The following PXDN variants were observed in gnomAD, a reference collection of about 807,000 sequenced individuals.
PXDN encodes the protein peroxidasin.
A neutral mutation model predicts 140.3 loss-of-function variants in PXDN; 77 were observed. That is an observed-to-expected ratio of 0.55 (90% CI 0.46 to 0.66). The LOEUF is 0.66. Among genes scored for constraint, PXDN ranks in the 30% least tolerant of loss-of-function variants. The probability of loss-of-function intolerance (pLI) is 0.00; values close to 1 mark genes in which losing one functional copy is unlikely to be tolerated. For missense variants in PXDN, 1,838 were observed against 2,039.5 expected (o/e 0.90, Z 1.90); for synonymous variants, 911 against 857.4 (o/e 1.06, Z -1.09).
At position 1,660,971 on chromosome 2, in the gene PXDN, C is replaced by A; in HGVS notation, c.1747G>T (p.Asp583Tyr). 6.2e-7 allele frequency: 1 copy of A among 1,614,048 alleles called. No individual in the cohort carries two copies. Among genetic ancestry groups the A allele is most frequent in the South Asian group, 1.1e-5 (1 of 91,084 alleles). ...ISPEGFLTIN[D>Y]VGPADAGRYE... ...CGACCTGCGTCTGCAGGGCCAACGTCATTGATGGTCAAGAATCCTTCAGGG... is the reference window on the plus strand; with the variant it reads ...CGACCTGCGTCTGCAGGGCCAACGTAATTGATGGTCAAGAATCCTTCAGGG... The change falls in exon 14 of 23, where the codon GAC becomes TAC. Residue 583 changes from aspartate (D) to tyrosine (Y), a missense_variant. By Grantham distance (160) the Asp-to-Tyr change is radical. Coordinates refer to ENST00000252804, the MANE Select transcript of PXDN (RefSeq NM_012293.3). This position sits in a 1 kb window ranked among gnomAD's most constrained non-coding sequence, Gnocchi z 4.6.
intron 8 of PXDN, 29 bp from the exon 9 acceptor site, chr2:1,673,841 A>T (rs759293881): frequency 1.2e-6 from 2 of 1,612,024 alleles, no homozygotes; most frequent in Non-Finnish European, 1.7e-6. Flanking sequence ...GGTCTGGTCA[A>T]GTGTTGAAAG....
chr2:1,703,032 G>A (rs1394286416), intron 1 of PXDN, among the ~76,000 whole-genome samples: 1 of 58,056 alleles, frequency 1.7e-5, no homozygotes, highest in Non-Finnish European at 3.4e-5. Context: ...TCCAGGTGAA[G>A]GGGGGGCAGC....
At chr2:1,658,033 T>TGG (rs1683193597) in intron 14 of PXDN, among the ~76,000 whole-genome samples, 1 of 4,832 alleles carries the variant, frequency 2.1e-4, no homozygotes, top group African/African-American at 4.5e-4. Flanking sequence ...GTGGGCTCTC[T>TGG]CTCTCTCTCT....
chr2:1,720,576 G>A (rs1572192043), intron 1 of PXDN, among the ~76,000 whole-genome samples: 1 of 147,320 alleles, frequency 6.8e-6, no homozygotes, highest in African/African-American at 2.5e-5. Context: ...ACCAGAGCCT[G>A]GGGAGGCAGC....
rs746533208 is a variant in PXDN, at chr2:1,649,261, C to T, written c.2519G>A (p.Arg840His). 2 of 1,612,998 alleles carry T rather than the reference C, an allele frequency of 1.2e-6. No homozygotes were observed. The highest frequency in any genetic ancestry group is 1.7e-6 in the Non-Finnish European group (2 of 1,179,762). ...GCTGCAGTGCTGTCCGTCGGAGAAG[C>T]GTGCCTGGCTCAGGGCCACCACCGT... is the stretch of plus-strand genomic sequence containing the variant. Reference protein sequence around the residue: ...DSTVVALSQARFSDGQHCSNV... With the variant: ...DSTVVALSQAHFSDGQHCSNV... Residue 840 changes from arginine to histidine, a missense_variant, in exon 17 of 23, where the codon CGC (arginine) becomes CAC (histidine). Coordinates refer to ENST00000252804, the MANE Select transcript of PXDN (RefSeq NM_012293.3). The surrounding 1 kb of genome is among the most constrained non-coding windows in gnomAD (Gnocchi z 7.1).
chr2:1,710,578 ACTAGCACC>A (rs1558520534), intron 1 of PXDN, among the ~76,000 whole-genome samples: 150 of 120,782 alleles, frequency 1.2e-3, no homozygotes, highest in African/African-American at 4.5e-3. Flanking sequence ...CACCCTCTCC[ACTAGCACC>A]CTCTCCACCA....
intron 1 of PXDN, among the ~76,000 whole-genome samples, chr2:1,716,868 C>T (rs190405725): frequency 6.2e-4 from 94 of 152,320 alleles, no homozygotes; most frequent in Non-Finnish European, 1.2e-3. Context: ...TTTCACACCA[C>T]ATGGACAGGT....
upstream of PXDN, chr2:1,744,551 CGGGGGGCGG>C (rs974964991): frequency 1.0e-6 from 1 of 991,558 alleles, no homozygotes; most frequent in African/African-American, 1.7e-5. Context: ...CAGCTGTGCG[CGGGGGGCGG>C]GGGGCGCCAG....
Position 1,648,089 on chromosome 2 carries a change from G to A in PXDN, c.3608+83C>T, listed in dbSNP as rs570576233. On this transcript the variant is annotated intron_variant, in intron 17 of 22. Coordinates refer to ENST00000252804, the MANE Select transcript of PXDN (RefSeq NM_012293.3). The surrounding 1 kb of genome is among the most constrained non-coding windows in gnomAD (Gnocchi z 8.9). ...ACGACACGAACAAAACTCACACACA[G>A]AGACAAATAACACACACACCACAGT... 59 of 1,507,352 alleles carry A rather than the reference G, an allele frequency of 3.9e-5. No individual in the cohort carries two copies. Among genetic ancestry groups the A allele is most frequent in the Middle Eastern group, 1.8e-4 (1 of 5,606 alleles). 93.4% of individuals were successfully genotyped at this position (1,507,352 alleles called of 1,614,324 possible).
chr2:1,724,271 A>C (rs1361423233), intron 1 of PXDN, among the ~76,000 whole-genome samples: 2 of 151,006 alleles, frequency 1.3e-5, no homozygotes, highest in Non-Finnish European at 2.9e-5. Flanking sequence ...ATCTCTACCA[A>C]CATCAGCCTT....
intron 17 of PXDN, among the ~76,000 whole-genome samples, chr2:1,646,544 A>G (rs552407256): frequency 6.6e-6 from 1 of 152,236 alleles, no homozygotes; most frequent in Non-Finnish European, 1.5e-5. Flanking sequence ...CCAGTAATTT[A>G]AGCGCATTAT....
intron 21 of PXDN, chr2:1,636,131 A>AC (rs1339900536): frequency 1.2e-5 from 2 of 171,206 alleles, no homozygotes; most frequent in Non-Finnish European, 2.5e-5. Context: ...TGCAGCAGGG[A>AC]CCCTGCACTG....
intron 1 of PXDN, among the ~76,000 whole-genome samples, chr2:1,700,384 TTGAG>T (rs1295082500): frequency 6.6e-6 from 1 of 152,198 alleles, no homozygotes; most frequent in Non-Finnish European, 1.5e-5. Flanking sequence ...TTTTTTTTCT[TTGAG>T]TATTTTGCGC....
intron 22 of PXDN, among the ~76,000 whole-genome samples, chr2:1,634,679 G>A (rs981080910): frequency 9.9e-5 from 15 of 152,184 alleles, no homozygotes; most frequent in African/African-American, 3.1e-4. Context: ...GGGGGTGGGC[G>A]TTGTCAGGAA....
At chr2:1,636,864 CCT>C in intron 21 of PXDN, 1 of 152,200 alleles carries the variant, frequency 6.6e-6, no homozygotes, top group Admixed American at 6.5e-5. Context: ...ACCACGCCGG[CCT>C]GTGTGTGCCT....
intron 1 of PXDN, among the ~76,000 whole-genome samples, chr2:1,735,319 G>A (rs896240673): frequency 1.3e-5 from 2 of 152,182 alleles, no homozygotes; most frequent in African/African-American, 4.8e-5. Flanking sequence ...CTCCTTTCCA[G>A]AAGGTTTTCA....
chr2:1,738,898 A>G (rs1421320366), intron 1 of PXDN, among the ~76,000 whole-genome samples: 1 of 152,192 alleles, frequency 6.6e-6, no homozygotes, highest in Non-Finnish European at 1.5e-5. Context: ...TGCCCTGCAG[A>G]CTGGAATTCT....
chr2:1,719,114 G>A (rs767667034), intron 1 of PXDN, among the ~76,000 whole-genome samples: 2 of 152,204 alleles, frequency 1.3e-5, no homozygotes, highest in African/African-American at 2.4e-5. Context: ...TTAGACGAGC[G>A]AGCCAGCCTG....
intron 1 of PXDN, among the ~76,000 whole-genome samples, chr2:1,728,637 G>T (rs888767267): frequency 6.6e-6 from 1 of 152,094 alleles, no homozygotes; most frequent in Non-Finnish European, 1.5e-5. Flanking sequence ...TTGTGCTTTT[G>T]TTGGTGATTT....
Sources: allele counts gnomAD v4.1 joint callset (sites outside exome capture counted in the v4.1 genomes callset), GRCh38; gene constraint gnomAD v4.1.1; non-coding constraint Gnocchi (gnomAD v3.1); transcripts MANE v1.5; gene names NCBI Gene and HGNC (gene_info 2026-07-23, HGNC 2026-07-21).